The following GRB14 variants were observed in gnomAD, a reference collection of about 807,000 sequenced individuals.
GRB14 encodes the protein growth factor receptor-bound protein 14.
In GRB14, 38 loss-of-function variants were observed where a neutral mutation model predicts 69.1. The ratio of observed to expected loss-of-function variants is 0.55; its 90% CI spans 0.42 to 0.72. The LOEUF (loss-of-function observed/expected upper bound fraction) is 0.72, where lower values mean the gene tolerates loss of function less well. Ranked by LOEUF, GRB14 falls within the 30% of genes least tolerant of loss-of-function variation. The pLI, the probability that GRB14 is intolerant of heterozygous loss-of-function variation, is 0.00. For synonymous variants in GRB14, 247 were observed against 241.3 expected (o/e 1.02, Z -0.22); for missense variants, 666 against 666.1 (o/e 1.00, Z 0.00).
chr2:164,621,065 C>G lies in GRB14; in HGVS notation c.191+54G>C. ...CACCCCCTAGGACCGCCTCCTCACC[C>G]CCTCGCCGGCTGCCCAGCCAGGACA... On this transcript the variant is annotated intron_variant, in intron 1 of 13. Coordinates refer to ENST00000263915, the MANE Select transcript of GRB14 (RefSeq NM_004490.3). This position sits in a 1 kb window ranked among gnomAD's most constrained non-coding sequence, Gnocchi z 6.0. The G allele has an allele frequency of 8.1e-7, 1 of 1,237,430 alleles. No homozygotes were observed. The allele number at this position is 1,237,430 out of a possible 1,614,324, so 76.7% of individuals were successfully genotyped here. A position where few individuals can be genotyped will look rare whatever the true frequency, so the allele number is the denominator to read the frequency against.
At chr2:164,574,064 G>A in intron 2 of GRB14, 4 of 1,062,922 alleles carry the variant, frequency 3.8e-6, no homozygotes, top group Non-Finnish European at 5.7e-6. Flanking sequence ...GATCTTCAGA[G>A]GTAAATTCAG....
chr2:164,618,901 T>G (rs1441707803), intron 2 of GRB14, among the ~76,000 whole-genome samples: 1 of 152,182 alleles, frequency 6.6e-6, no homozygotes, highest in Non-Finnish European at 1.5e-5. Flanking sequence ...AAGAATAAGG[T>G]GCATTTTGTC....
chr2:164,595,515 A>G lies in GRB14; in HGVS notation c.324+24172T>C, dbSNP rs141778609. ...GACAGCAAACTAAGCCTGACGGGGA[A>G]GTAAGATGTGGAGTAGGATGAAACA... On this transcript the variant is annotated intron_variant, in intron 2 of 13. Coordinates refer to ENST00000263915, the MANE Select transcript of GRB14 (RefSeq NM_004490.3). 4.3e-3 allele frequency among the ~76,000 whole-genome samples: 662 copies of G among 152,294 alleles called. 7 individuals are homozygous for G. The highest frequency in any genetic ancestry group is 0.015 in the African/African-American group (626 of 41,572).
chr2:164,570,881 T>C (rs139839866), intron 2 of GRB14, among the ~76,000 whole-genome samples: 1 of 152,340 alleles, frequency 6.6e-6, no homozygotes, highest in African/African-American at 2.4e-5. Context: ...TGACTAGCTG[T>C]TTACGTGTGT....
chr2:164,580,586 C>T (rs137960227), intron 2 of GRB14, among the ~76,000 whole-genome samples: 2,691 of 151,960 alleles, frequency 0.018, 31 homozygotes, highest in Non-Finnish European at 0.027. Flanking sequence ...CACCTGCAAT[C>T]CCAATTACTC....
At chr2:164,502,143 T>C (rs1687071120) in intron 9 of GRB14, 112 bp downstream of exon 9, 1 of 580,278 alleles carries the variant, frequency 1.7e-6, no homozygotes, top group African/African-American at 1.8e-5. Flanking sequence ...AAAGAGTTAC[T>C]TTACCAACAG....
rs137888639 is a variant in GRB14, at chr2:164,555,895, A to G, written c.325-8079T>C. 1.0e-2 allele frequency among the ~76,000 whole-genome samples: 1,516 copies of G among 151,956 alleles called. 22 individuals are homozygous for G. The highest frequency in any genetic ancestry group is 0.031 in the Middle Eastern group (9 of 290). ...TCTAACCACAGTAAAATTATAAAAGAGCTTATAATGTTTCAATATTTTTCT... is the reference window on the plus strand; with the variant it reads ...TCTAACCACAGTAAAATTATAAAAGGGCTTATAATGTTTCAATATTTTTCT... On this transcript the variant is annotated intron_variant, in intron 2 of 13. Coordinates refer to ENST00000263915, the MANE Select transcript of GRB14 (RefSeq NM_004490.3).
chr2:164,576,235 T>C (rs1320608291), intron 2 of GRB14, among the ~76,000 whole-genome samples: 1 of 151,610 alleles, frequency 6.6e-6, no homozygotes, highest in African/African-American at 2.4e-5. Flanking sequence ...GATGGAAACA[T>C]ACTATTAATT....
intron 9 of GRB14, among the ~76,000 whole-genome samples, chr2:164,499,537 A>T (rs1341400363): frequency 6.6e-6 from 1 of 152,138 alleles, no homozygotes; most frequent in Non-Finnish European, 1.5e-5. Flanking sequence ...TAACATTCAG[A>T]ATTGGTTATA....
intron 2 of GRB14, among the ~76,000 whole-genome samples, chr2:164,611,692 G>C (rs1007732911): frequency 2.0e-5 from 3 of 151,162 alleles, no homozygotes; most frequent in Non-Finnish European, 2.9e-5. Context: ...TTCCTTTTCT[G>C]ATTCTTCTTC....
intron 13 of GRB14, among the ~76,000 whole-genome samples, chr2:164,494,171 G>A (rs1686832346): frequency 6.6e-6 from 1 of 151,962 alleles, no homozygotes; most frequent in African/African-American, 2.4e-5. Flanking sequence ...GGTGGCATGG[G>A]GTCTATACAA....
intron 2 of GRB14, among the ~76,000 whole-genome samples, chr2:164,595,414 G>T (rs1689759552): frequency 6.6e-6 from 1 of 152,214 alleles, no homozygotes; most frequent in African/African-American, 2.4e-5. Context: ...ACACAGTGAG[G>T]CCTAAGGAGT....
In GRB14 at chr2:164,619,783, T is replaced by C. The variant is rs376639015; in HGVS notation, c.228A>G (p.Pro76=). The C allele has an allele frequency of 1.3e-5, 21 of 1,611,230 alleles. No homozygotes were observed. Among genetic ancestry groups the C allele is most frequent in the Admixed American group, 3.3e-5 (2 of 59,708 alleles). The part of the protein sequence containing the change: ...KKKDLDVPEM[P]SIPNPFPELC... The stretch of plus-strand genomic sequence containing the variant: ...GCTCAGGAAAAGGGTTTGGAATAGA[T>C]GGCATTTCCGGAACATCAAGATCTT... Residue 76 remains proline (P), a synonymous_variant, in exon 2 of 14, where the codon CCA becomes CCG. Coordinates refer to ENST00000263915, the MANE Select transcript of GRB14 (RefSeq NM_004490.3).
At chr2:164,611,516 G>A (rs1690166450) in intron 2 of GRB14, among the ~76,000 whole-genome samples, 1 of 151,720 alleles carries the variant, frequency 6.6e-6, no homozygotes, top group Non-Finnish European at 1.5e-5. Flanking sequence ...AGAGAATTCA[G>A]AGGTTACGAC....
intron 2 of GRB14, among the ~76,000 whole-genome samples, chr2:164,604,776 T>C (rs1460750457): frequency 6.6e-6 from 1 of 152,170 alleles, no homozygotes; most frequent in Non-Finnish European, 1.5e-5. Context: ...TCACATACTA[T>C]ATGATTCCAT....
intron 8 of GRB14, among the ~76,000 whole-genome samples, chr2:164,502,660 A>G (rs973593740): frequency 6.6e-6 from 1 of 151,934 alleles, no homozygotes; most frequent in Non-Finnish European, 1.5e-5. Flanking sequence ...ATAAAAAAAA[A>G]AAAACTCACT....
At chr2:164,549,975 G>A (rs1559046504) in intron 2 of GRB14, among the ~76,000 whole-genome samples, 1 of 151,486 alleles carries the variant, frequency 6.6e-6, no homozygotes, top group African/African-American at 2.4e-5. Flanking sequence ...AATAACCCTA[G>A]TAACATGGGT....
intron 6 of GRB14, among the ~76,000 whole-genome samples, chr2:164,520,177 T>C (rs1003023776): frequency 4.6e-4 from 70 of 152,022 alleles, no homozygotes; most frequent in African/African-American, 1.6e-3. Context: ...CATAGACGAA[T>C]GGAACAGAAT....
At chr2:164,594,224 A>AC (rs938321628) in intron 2 of GRB14, among the ~76,000 whole-genome samples, 1 of 152,198 alleles carries the variant, frequency 6.6e-6, no homozygotes, top group Non-Finnish European at 1.5e-5. Flanking sequence ...GCTCAACAAA[A>AC]AAAAGGGTTA....
Sources: gnomAD v4.1 joint callset for allele counts (sites outside exome capture counted in the v4.1 genomes callset) on GRCh38, gnomAD v4.1.1 for gene constraint, Gnocchi (gnomAD v3.1) non-coding constraint, MANE v1.5 for transcripts, NCBI Gene and HGNC (gene_info 2026-07-23, HGNC 2026-07-21) for gene names.